GRIP1: variants seen among roughly 807,000 people sequenced by gnomAD.
GRIP1 encodes the protein glutamate receptor-interacting protein 1.
A neutral mutation model predicts 129.9 loss-of-function variants in GRIP1; 45 were observed. The ratio of observed to expected loss-of-function variants is 0.35; its 90% CI spans 0.27 to 0.44. The LOEUF is 0.44. GRIP1 is among the 20% of genes least tolerant of loss of function. The probability of loss-of-function intolerance (pLI) is 1.00; values close to 1 mark genes in which losing one functional copy is unlikely to be tolerated. For synonymous variants in GRIP1, 530 were observed against 520.8 expected, an observed-to-expected ratio of 1.02 and a Z score of -0.24; for missense variants, 1,196 against 1,396.8, an observed-to-expected ratio of 0.86 and a Z score of 2.29.
intron 1 of GRIP1, among the ~76,000 whole-genome samples, chr12:66,730,748 G>A (rs935928548): frequency 1.3e-5 from 2 of 148,308 alleles, no homozygotes; most frequent in African/African-American, 5.0e-5. Flanking sequence ...CCCATGCCCA[G>A]TGTGCTGGGG....
At chr12:66,352,037 T>C (rs974648272) in intron 24 of GRIP1, among the ~76,000 whole-genome samples, 1 of 152,162 alleles carries the variant, frequency 6.6e-6, no homozygotes, top group East Asian at 1.9e-4. Flanking sequence ...AAAGAGTATA[T>C]AAGGCTCAGA....
chr12:66,544,900 A>G (rs79045648), intron 2 of GRIP1, among the ~76,000 whole-genome samples: 4,247 of 152,252 alleles, frequency 0.028, 151 homozygotes, highest in East Asian at 0.1. Flanking sequence ...AGACAGATGC[A>G]TTCATTTGCA....
intron 1 of GRIP1, among the ~76,000 whole-genome samples, chr12:67,024,472 A>G (rs537526588): frequency 6.6e-6 from 1 of 152,300 alleles, no homozygotes; most frequent in African/African-American, 2.4e-5. Context: ...ACCCGGGCCA[A>G]GGCAGCATGT....
At chr12:66,386,211 A>G (rs1401222006) in intron 19 of GRIP1, among the ~76,000 whole-genome samples, 1 of 152,236 alleles carries the variant, frequency 6.6e-6, no homozygotes, top group Non-Finnish European at 1.5e-5. Flanking sequence ...GTAAAATTCT[A>G]ACATTCCAAC....
intron 1 of GRIP1, among the ~76,000 whole-genome samples, chr12:66,761,865 T>C (rs2037486197): frequency 6.6e-6 from 1 of 152,150 alleles, no homozygotes. Flanking sequence ...ACAAATGTGG[T>C]GCAGCAAGGA....
intron 4 of GRIP1, among the ~76,000 whole-genome samples, chr12:66,535,334 T>C (rs2061575322): frequency 6.6e-6 from 1 of 151,950 alleles, no homozygotes; most frequent in Non-Finnish European, 1.5e-5. Flanking sequence ...AGAGAGTAAT[T>C]TCAAAGCAAA....
intron 1 of GRIP1, among the ~76,000 whole-genome samples, chr12:66,968,967 C>T (rs145508185): frequency 2.2e-4 from 34 of 152,218 alleles, no homozygotes; most frequent in Non-Finnish European, 4.0e-4. Flanking sequence ...TTCTCCTTCA[C>T]ATGTGAAGGA....
chr12:66,603,446 G>T (rs2064371683), intron 1 of GRIP1, among the ~76,000 whole-genome samples: 1 of 152,138 alleles, frequency 6.6e-6, no homozygotes, highest in African/African-American at 2.4e-5. Context: ...GAGCATACCT[G>T]GGAACTGTCA....
At chr12:66,444,439 T>C (rs1268186164) in intron 13 of GRIP1, 145 bp downstream of exon 13, 12 of 653,274 alleles carry the variant, frequency 1.8e-5, no homozygotes, top group African/African-American at 9.7e-5. Context: ...TGAGCCGAGA[T>C]TGCGCCACTG....
At chr12:66,909,764 C>T (rs2040998099) in intron 1 of GRIP1, among the ~76,000 whole-genome samples, 1 of 152,186 alleles carries the variant, frequency 6.6e-6, no homozygotes, top group Admixed American at 6.5e-5. Context: ...CCCTCCCCTA[C>T]CTTCTCTTTG....
chr12:66,867,277 T>C (rs768594397), intron 1 of GRIP1, among the ~76,000 whole-genome samples: 1 of 152,116 alleles, frequency 6.6e-6, no homozygotes. Context: ...ATGTGAGCCA[T>C]AGTGCCCAAT....
At chr12:66,919,670 T>C (rs879594179) in intron 1 of GRIP1, among the ~76,000 whole-genome samples, 62 of 152,160 alleles carry the variant, frequency 4.1e-4, no homozygotes, top group Middle Eastern at 3.4e-3. Context: ...TTGACTTTTT[T>C]CCCCCAGATA....
chr12:66,379,167 G>A (rs2055973715), intron 20 of GRIP1, 113 bp downstream of exon 20: 6 of 1,159,912 alleles, frequency 5.2e-6, no homozygotes, highest in Non-Finnish European at 6.5e-6. Context: ...GATTATGGTG[G>A]CTTTAAGAAG....
chr12:66,853,299 T>C (rs2039946361), intron 1 of GRIP1, among the ~76,000 whole-genome samples: 4 of 151,960 alleles, frequency 2.6e-5, no homozygotes, highest in Admixed American at 6.6e-5. Context: ...TTTTTTTTCC[T>C]AAGCCTTTAT....
chr12:66,840,525 G>A (rs1322125215), intron 1 of GRIP1, among the ~76,000 whole-genome samples: 1 of 152,202 alleles, frequency 6.6e-6, no homozygotes, highest in African/African-American at 2.4e-5. Context: ...CACTGTTAAT[G>A]AGGCATATGT....
chr12:66,804,237 C>A (rs1175691299), upstream of GRIP1: 4 of 413,984 alleles, frequency 9.7e-6, no homozygotes, highest in Non-Finnish European at 2.0e-5. Flanking sequence ...ACAGCAACAG[C>A]CCAGCTGCTC....
At chr12:66,752,486 T>C (rs1043377616) in intron 1 of GRIP1, among the ~76,000 whole-genome samples, 17 of 152,188 alleles carry the variant, frequency 1.1e-4, no homozygotes, top group Admixed American at 3.3e-4. Flanking sequence ...TCATACATTT[T>C]GTTTATTTGC....
upstream of GRIP1, among the ~76,000 whole-genome samples, chr12:66,682,765 C>CA (rs758399198): frequency 1.1e-4 from 17 of 152,062 alleles, no homozygotes; most frequent in South Asian, 2.1e-4. Flanking sequence ...ATTCATTTTG[C>CA]AAAAAACCAA....
At chr12:66,927,821 T>G (rs2041320524) in intron 1 of GRIP1, among the ~76,000 whole-genome samples, 1 of 152,220 alleles carries the variant, frequency 6.6e-6, no homozygotes, top group African/African-American at 2.4e-5. Flanking sequence ...TAAGTCCAGA[T>G]AGCCTACTTT....
Sources: allele counts gnomAD v4.1 joint callset (sites outside exome capture counted in the v4.1 genomes callset), GRCh38; gene constraint gnomAD v4.1.1; transcripts MANE v1.5; gene names NCBI Gene and HGNC (gene_info 2026-07-23, HGNC 2026-07-21).